The following KIAA1549L variants were observed in gnomAD, a reference collection of about 807,000 sequenced individuals.
The protein encoded by KIAA1549L is KIAA1549 like.
Under a neutral mutation model 160.7 loss-of-function variants are expected in KIAA1549L, and 88 were observed. The observed-to-expected ratio is 0.55, with a 90% CI of 0.46 to 0.65. The LOEUF is 0.65. KIAA1549L is among the 30% of genes least tolerant of loss of function. The pLI, the probability that KIAA1549L is intolerant of heterozygous loss-of-function variation, is 0.00. For synonymous variants in KIAA1549L, 950 were observed against 976.7 expected, an observed-to-expected ratio of 0.97 and a Z score of 0.51; for missense variants, 2,258 against 2,437.5, an observed-to-expected ratio of 0.93 and a Z score of 1.55.
intron 17 of KIAA1549L, among the ~76,000 whole-genome samples, chr11:33,653,765 A>T (rs1056966986): frequency 6.6e-6 from 1 of 151,186 alleles, no homozygotes; most frequent in African/African-American, 2.4e-5. Flanking sequence ...TCTCTTTTAT[A>T]TTTTCTATCT....
chr11:33,391,886 C>T (rs139492099), intron 1 of KIAA1549L, among the ~76,000 whole-genome samples: 2 of 152,156 alleles, frequency 1.3e-5, no homozygotes, highest in South Asian at 4.1e-4. Context: ...AAAATTTTTA[C>T]AAGATTCTTC....
At chr11:33,480,426 G>A (rs1369903478) in intron 1 of KIAA1549L, among the ~76,000 whole-genome samples, 1 of 152,080 alleles carries the variant, frequency 6.6e-6, no homozygotes, top group African/African-American at 2.4e-5. Flanking sequence ...TTATTTGCTC[G>A]TTCATGAGTG....
chr11:33,530,691 A>T (rs1853749157), intron 1 of KIAA1549L, among the ~76,000 whole-genome samples: 1 of 151,834 alleles, frequency 6.6e-6, no homozygotes, highest in South Asian at 2.1e-4. Context: ...TGTGTGTGTG[A>T]TGTCCTAGCC....
At chr11:33,650,754 G>A (rs1851861283) in intron 17 of KIAA1549L, among the ~76,000 whole-genome samples, 4 of 152,082 alleles carry the variant, frequency 2.6e-5, no homozygotes, top group African/African-American at 7.2e-5. Context: ...GCACACACAC[G>A]CACCTGCCCC....
intron 1 of KIAA1549L, among the ~76,000 whole-genome samples, chr11:33,528,822 G>A (rs1000086675): frequency 5.9e-5 from 9 of 152,268 alleles, no homozygotes; most frequent in Middle Eastern, 3.4e-3. Flanking sequence ...TGGGGACTCC[G>A]GGGGAAAGGT....
At chr11:33,430,042 C>CCTTCCTCCCTTCCTCT (rs1851201663) in intron 1 of KIAA1549L, among the ~76,000 whole-genome samples, 1 of 131,186 alleles carries the variant, frequency 7.6e-6, no homozygotes, top group Non-Finnish European at 1.6e-5. Flanking sequence ...TTCCTTCCTT[C>CCTTCCTCCCTTCCTCT]CTTCCTCCCT....
chr11:33,660,095 C>T (rs1369302784), intron 19 of KIAA1549L, among the ~76,000 whole-genome samples: 1 of 152,246 alleles, frequency 6.6e-6, no homozygotes, highest in Admixed American at 6.5e-5. Flanking sequence ...TTCCAGAGCA[C>T]TACTAGTGCA....
At chr11:33,408,406 A>C (rs1007825604) in intron 1 of KIAA1549L, among the ~76,000 whole-genome samples, 7 of 151,618 alleles carry the variant, frequency 4.6e-5, no homozygotes, top group African/African-American at 1.7e-4. Context: ...AGTGATATCT[A>C]ATATCTAATA....
chr11:33,653,958 ATCTG>A (rs1259289866), intron 17 of KIAA1549L, among the ~76,000 whole-genome samples: 2 of 132,334 alleles, frequency 1.5e-5, no homozygotes, highest in Admixed American at 1.5e-4. Context: ...TTCTAATAGT[ATCTG>A]TCTGGTCAAT....
chr11:33,496,334 A>G (rs16924377), intron 1 of KIAA1549L, among the ~76,000 whole-genome samples: 8,746 of 152,196 alleles, frequency 0.057, 369 homozygotes, highest in East Asian at 0.17. Flanking sequence ...CTTCCTGATA[A>G]TATCTATGAA....
chr11:33,481,314 G>C (rs941708495), intron 1 of KIAA1549L, among the ~76,000 whole-genome samples: 6 of 152,192 alleles, frequency 3.9e-5, no homozygotes, highest in African/African-American at 1.4e-4. Context: ...TCAGTAGTAA[G>C]AATGCTATCT....
chr11:33,471,163 A>G (rs1193942956), intron 1 of KIAA1549L, among the ~76,000 whole-genome samples: 2 of 150,610 alleles, frequency 1.3e-5, no homozygotes, highest in African/African-American at 2.4e-5. Flanking sequence ...CACCACTACC[A>G]TTACTGCCCC....
At chr11:33,576,419 G>T (rs934443469) in intron 10 of KIAA1549L, among the ~76,000 whole-genome samples, 3 of 152,072 alleles carry the variant, frequency 2.0e-5, no homozygotes, top group African/African-American at 7.2e-5. Flanking sequence ...CTTTTCCTTT[G>T]CACCTCTCCC....
intron 1 of KIAA1549L, among the ~76,000 whole-genome samples, chr11:33,524,378 A>T (rs1853564536): frequency 6.7e-6 from 1 of 149,258 alleles, no homozygotes; most frequent in Non-Finnish European, 1.5e-5. Flanking sequence ...TACCTATTTT[A>T]CTCTTTTAAT....
chr11:33,609,637 C>T (rs752052460), intron 14 of KIAA1549L, 112 bp from the exon 15 acceptor site: 53 of 803,754 alleles, frequency 6.6e-5, no homozygotes, highest in Middle Eastern at 7.3e-4. Flanking sequence ...CTCAGAGGCC[C>T]GGAGGTGATG....
At position 33,396,007 on chromosome 11, in the gene KIAA1549L, A is replaced by G. The variant is rs1372078187; in HGVS notation, c.238+19118A>G. On this transcript the variant is annotated intron_variant, in intron 1 of 20. Transcript: ENST00000658780. ...TGGGGGCAGGTTTGAGGTTAACTGG[A>G]AGGAATTGGTTGTATTTTTTTCTTT... Among the ~76,000 whole-genome samples the G allele has an allele frequency of 3.9e-5, 6 of 152,022 alleles. 1 individual carries two copies. The highest frequency in any genetic ancestry group is 8.8e-5 in the Non-Finnish European group (6 of 68,004).
At chr11:33,488,349 G>T (rs1340647417) in intron 1 of KIAA1549L, among the ~76,000 whole-genome samples, 1 of 152,122 alleles carries the variant, frequency 6.6e-6, no homozygotes, top group African/African-American at 2.4e-5. Flanking sequence ...AAATATTAAA[G>T]GATGACAAAA....
intron 1 of KIAA1549L, among the ~76,000 whole-genome samples, chr11:33,466,970 G>T (rs1402398023): frequency 6.6e-6 from 1 of 151,368 alleles, no homozygotes; most frequent in African/African-American, 2.4e-5. Context: ...GGCCTGTTGG[G>T]GGGTGGGGGG....
intron 1 of KIAA1549L, among the ~76,000 whole-genome samples, chr11:33,529,588 C>CTT (rs35156436): frequency 6.6e-6 from 1 of 152,092 alleles, no homozygotes; most frequent in African/African-American, 2.4e-5. Flanking sequence ...ACTTGCCTGA[C>CTT]TTTTTACAGC....
Sources: allele counts gnomAD v4.1 joint callset (sites outside exome capture counted in the v4.1 genomes callset), GRCh38; gene constraint gnomAD v4.1.1; transcripts MANE v1.5; gene names NCBI Gene and HGNC (gene_info 2026-07-23, HGNC 2026-07-21).